The following PARN variants were observed in gnomAD, a reference collection of about 807,000 sequenced individuals.
PARN encodes poly(A)-specific ribonuclease PARN.
Under a neutral mutation model 102.8 loss-of-function variants are expected in PARN, and 71 were observed. The ratio of observed to expected loss-of-function variants is 0.69; its 90% CI spans 0.57 to 0.84. The LOEUF is 0.84. PARN is among the 40% of genes least tolerant of loss of function. The pLI is 0.00. For synonymous variants in PARN, 261 were observed against 252.9 expected (o/e 1.03, Z -0.30); for missense variants, 782 against 760.9 (o/e 1.03, Z -0.33).
intron 21 of PARN, among the ~76,000 whole-genome samples, chr16:14,549,466 T>C (rs562472807): frequency 6.6e-6 from 1 of 152,308 alleles, no homozygotes; most frequent in East Asian, 1.9e-4. Flanking sequence ...AGTGCTTCTA[T>C]GGCTACACAT....
chr16:14,610,465 T>C lies in PARN; in HGVS notation c.554+179A>G, dbSNP rs1971458436. Among the ~76,000 whole-genome samples the C allele has an allele frequency of 3.4e-5, 5 of 144,934 alleles. No homozygotes were observed. The South Asian group carries it at 1.1e-3, about 32-fold the overall frequency. ...TCCAGCCTGGGCAAAAGAGCAAGAC[T>C]GTCTCAAAAAAAAAAAAAAAAAAAT... On this transcript the variant is annotated intron_variant, in intron 7 of 23. Transcript: ENST00000437198.
chr16:14,553,540 G>A (rs974778236), intron 20 of PARN, among the ~76,000 whole-genome samples: 1 of 152,208 alleles, frequency 6.6e-6, no homozygotes, highest in Non-Finnish European at 1.5e-5. Flanking sequence ...AAGAGGCATT[G>A]CTGTGGGTTT....
rs1051838685 is a variant in PARN at position 14,606,605 on chromosome 16, A to G, written c.660-79T>C. 42 of 685,372 alleles carry G rather than the reference A, an allele frequency of 6.1e-5. No individual in the cohort carries two copies. In the Admixed American group the frequency reaches 1.2e-3, roughly 20 times the overall value. 42.5% of individuals were successfully genotyped at this position (685,372 alleles called of 1,614,324 possible). On this transcript the variant is annotated intron_variant, in intron 9 of 23. Transcript: ENST00000437198. ...CAAAGTATTTTATAAGCAACTATCC[A>G]GCTACTAATTAAGTAAGTTTTATTA... is the stretch of plus-strand genomic sequence containing the variant.
intron 21 of PARN, among the ~76,000 whole-genome samples, chr16:14,508,583 C>G (rs1441532595): frequency 6.6e-6 from 1 of 151,652 alleles, no homozygotes; most frequent in South Asian, 2.1e-4. Context: ...TTTATAAAAA[C>G]GAAACTTTAA....
At chr16:14,565,898 G>A (rs1405498913) in intron 18 of PARN, among the ~76,000 whole-genome samples, 4 of 152,178 alleles carry the variant, frequency 2.6e-5, no homozygotes, top group Admixed American at 2.6e-4. Flanking sequence ...GTGACATACT[G>A]TGCATAGTGG....
intron 12 of PARN, among the ~76,000 whole-genome samples, chr16:14,594,547 T>A (rs1257966408): frequency 2.0e-5 from 3 of 152,194 alleles, no homozygotes; most frequent in East Asian, 1.9e-4. Flanking sequence ...AAATCCTGTA[T>A]CTACTAAAAA....
At chr16:14,460,854 C>T (rs1020600062) in intron 22 of PARN, among the ~76,000 whole-genome samples, 1 of 152,184 alleles carries the variant, frequency 6.6e-6, no homozygotes, top group Admixed American at 6.5e-5. Context: ...CATAACTCCC[C>T]ACCACTTAGA....
intron 21 of PARN, among the ~76,000 whole-genome samples, chr16:14,497,857 C>T (rs1964395214): frequency 1.3e-5 from 2 of 152,152 alleles, no homozygotes; most frequent in Non-Finnish European, 2.9e-5. Context: ...GGTGCGGTGG[C>T]TCACACCTGT....
intron 22 of PARN, among the ~76,000 whole-genome samples, chr16:14,451,870 A>AG (rs1961468150): frequency 5.9e-5 from 1 of 16,954 alleles, no homozygotes; most frequent in Non-Finnish European, 1.3e-4. Flanking sequence ...AAAAAAATAC[A>AG]AAAAAAAAAA....
intron 5 of PARN, among the ~76,000 whole-genome samples, chr16:14,624,134 T>C (rs997134765): frequency 2.0e-5 from 3 of 152,194 alleles, no homozygotes; most frequent in African/African-American, 7.2e-5. Flanking sequence ...CACAGGGTCT[T>C]ATTTTTTAAA....
At chr16:14,525,489 G>A (rs1241911539) in intron 21 of PARN, among the ~76,000 whole-genome samples, 1 of 152,168 alleles carries the variant, frequency 6.6e-6, no homozygotes, top group African/African-American at 2.4e-5. Context: ...AGCACAGCAA[G>A]CAAACAGGGA....
At chr16:14,475,585 A>G (rs1962994969) in intron 22 of PARN, among the ~76,000 whole-genome samples, 1 of 152,234 alleles carries the variant, frequency 6.6e-6, no homozygotes, top group African/African-American at 2.4e-5. Flanking sequence ...CTACAATACC[A>G]GTGTAAACAG....
intron 21 of PARN, among the ~76,000 whole-genome samples, chr16:14,492,064 T>C (rs2151612132): frequency 6.6e-6 from 1 of 152,352 alleles, no homozygotes; most frequent in South Asian, 2.1e-4. Context: ...GCTCACACCC[T>C]TGGGAGCCAG....
At chr16:14,628,141 A>G in intron 3 of PARN, 31 bp downstream of exon 3, 1 of 1,254,134 alleles carries the variant, frequency 8.0e-7, no homozygotes, top group Non-Finnish European at 1.2e-6. Context: ...TAACATGAGA[A>G]AGAAAAAGAT....
intron 19 of PARN, among the ~76,000 whole-genome samples, chr16:14,554,615 T>C (rs544827497): frequency 1.3e-5 from 2 of 151,834 alleles, no homozygotes; most frequent in Non-Finnish European, 2.9e-5. Flanking sequence ...ATTTTTTAAT[T>C]TTATTTTTGT....
At chr16:14,548,314 A>G (rs1967087836) in intron 21 of PARN, among the ~76,000 whole-genome samples, 2 of 152,084 alleles carry the variant, frequency 1.3e-5, no homozygotes, top group East Asian at 3.9e-4. Flanking sequence ...TATCATTAGA[A>G]TCACCATTAT....
intron 19 of PARN, among the ~76,000 whole-genome samples, chr16:14,554,664 G>T (rs1596654992): frequency 6.6e-6 from 1 of 150,898 alleles, no homozygotes; most frequent in African/African-American, 2.4e-5. Flanking sequence ...CGCTGGTCTT[G>T]AATTCCTGGC....
chr16:14,579,992 A>C (rs985496199), intron 18 of PARN, among the ~76,000 whole-genome samples: 2 of 152,128 alleles, frequency 1.3e-5, no homozygotes, highest in Non-Finnish European at 2.9e-5. Flanking sequence ...CAAAAAAAAA[A>C]AAAAAGAACT....
At chr16:14,446,304 G>A (rs1249075676) in intron 23 of PARN, among the ~76,000 whole-genome samples, 1 of 152,180 alleles carries the variant, frequency 6.6e-6, no homozygotes, top group Non-Finnish European at 1.5e-5. Flanking sequence ...ACTTAGCCTC[G>A]CTGAGCCCAG....
Sources: gnomAD v4.1 joint callset for allele counts (sites outside exome capture counted in the v4.1 genomes callset) on GRCh38, gnomAD v4.1.1 for gene constraint, MANE v1.5 for transcripts, NCBI Gene and HGNC (gene_info 2026-07-23, HGNC 2026-07-21) for gene names.